Variants in DNAH6 observed in about 807,000 individuals in gnomAD.
DNAH6 encodes the protein axonemal beta dynein heavy chain 6.
In DNAH6, 340 loss-of-function variants were observed where a neutral mutation model predicts 491.4. The observed-to-expected ratio is 0.69, with a 90% CI of 0.63 to 0.76. The LOEUF (loss-of-function observed/expected upper bound fraction) is 0.76, where lower values mean the gene tolerates loss of function less well. Among genes scored for constraint, DNAH6 ranks in the 30% least tolerant of loss-of-function variants. DNAH6 has a pLI of 0.00. For missense variants in DNAH6, 4,443 were observed against 4,972.2 expected, an observed-to-expected ratio of 0.89 and a Z score of 3.20; for synonymous variants, 1,603 against 1,686.1, an observed-to-expected ratio of 0.95 and a Z score of 1.21.
intron 50 of DNAH6, among the ~76,000 whole-genome samples, chr2:84,703,835 A>G (rs1281765396): frequency 1.3e-5 from 2 of 152,192 alleles, no homozygotes; most frequent in African/African-American, 2.4e-5. Flanking sequence ...CTACAAATAT[A>G]AAGCAACTAT....
intron 32 of DNAH6, among the ~76,000 whole-genome samples, chr2:84,641,109 C>T (rs1689347210): frequency 6.6e-6 from 1 of 152,126 alleles, no homozygotes; most frequent in Admixed American, 6.5e-5. Flanking sequence ...AGTCTTTCCT[C>T]TTCTCAGACC....
At chr2:84,589,711 C>CAAAAAAAAA in intron 16 of DNAH6, among the ~76,000 whole-genome samples, 1 of 58,342 alleles carries the variant, frequency 1.7e-5, no homozygotes, top group Non-Finnish European at 3.6e-5. Flanking sequence ...GACCCTGTCT[C>CAAAAAAAAA]AAAAAAAAAA....
chr2:84,685,358 G>A lies in DNAH6; in HGVS notation c.6949G>A (p.Glu2317Lys), dbSNP rs1378985658. 5 of 1,518,652 alleles carry A rather than the reference G, an allele frequency of 3.3e-6. No homozygotes were observed. The highest frequency in any genetic ancestry group is 2.0e-5 in the Admixed American group (1 of 48,796). The allele number at this position is 1,518,652 out of a possible 1,614,324, so 94.1% of individuals were successfully genotyped here. The part of the protein sequence containing the change: ...ILQCDPGTIR[E>K]EIQIFRLFCH... ...CCAATGTGATCCAGGAACAATAAGA[G>A]AAGAAATTCAGATATTTAGACTCTT... The change falls in exon 43 of 77, where the codon GAA (glutamate) becomes AAA (lysine). Residue 2317 changes from glutamate to lysine, a missense_variant. Physicochemically the swap from Glu to Lys is moderately conservative, Grantham distance 56. This residue lies in a region of DNAH6 where 2,977 missense variants were observed against 3,296.6 expected (regional missense o/e 0.90). Coordinates refer to ENST00000389394, the MANE Select transcript of DNAH6 (RefSeq NM_001370.2).
At chr2:84,808,266 A>G (rs2105326175) in intron 71 of DNAH6, 149 bp from the exon 72 acceptor site, 4 of 883,072 alleles carry the variant, frequency 4.5e-6, no homozygotes, top group Non-Finnish European at 6.6e-6. Flanking sequence ...TCTAAATTAT[A>G]GAAACATCAC....
chr2:84,727,625 A>G, intron 60 of DNAH6, 44 bp from the exon 61 acceptor site: 1 of 1,262,864 alleles, frequency 7.9e-7, no homozygotes, highest in Non-Finnish European at 1.1e-6. Flanking sequence ...CTCTGCAGAG[A>G]ATGAATTAAA....
At chr2:84,477,759 G>C in the DNAH6 span, among the ~76,000 whole-genome samples, 1 of 152,198 alleles carries the variant, frequency 6.6e-6, no homozygotes, top group Non-Finnish European at 1.5e-5. Context: ...TGAGGAGAGA[G>C]TGAAAGAATA....
chr2:84,666,004 A>G (rs1183507869), intron 37 of DNAH6, among the ~76,000 whole-genome samples: 4 of 152,214 alleles, frequency 2.6e-5, no homozygotes, highest in African/African-American at 9.6e-5. Context: ...CAAAAACCAC[A>G]TGATTATCTC....
chr2:84,728,195 G>C (rs1161599777), intron 61 of DNAH6, among the ~76,000 whole-genome samples: 3 of 152,164 alleles, frequency 2.0e-5, no homozygotes, highest in African/African-American at 7.2e-5. Context: ...GGCCTCCCTA[G>C]CTGCATGGAA....
chr2:84,625,860 C>T (rs1687809022), intron 29 of DNAH6, among the ~76,000 whole-genome samples: 2 of 152,150 alleles, frequency 1.3e-5, no homozygotes, highest in Non-Finnish European at 2.9e-5. Context: ...TGAAGAAAAT[C>T]TAACCTCACA....
chr2:84,704,269 T>C lies in DNAH6; in HGVS notation c.8432T>C (p.Val2811Ala). 1.3e-6 allele frequency: 2 copies of C among 1,551,710 alleles called. No homozygotes were observed. Among genetic ancestry groups the C allele is most frequent in the Non-Finnish European group, 1.7e-6 (2 of 1,146,964 alleles). ...AAGCCCCCAGATTTGGTCATGACAG[T>C]AATGGAAGCAATCTCCATTCTTTTG... The part of the protein sequence containing the change: ...FTKPPDLVMT[V>A]MEAISILLNA... Residue 2811 changes from valine to alanine, a missense_variant, in exon 51 of 77, where the codon GTA becomes GCA. Val to Ala is a moderately conservative substitution (Grantham distance 64). Around this residue, in one of 3 missense-constraint regions of DNAH6, gnomAD observed 1,463 missense variants for 1,656.6 expected, o/e 0.88. Transcript: ENST00000389394.
At chr2:84,515,640 T>C (rs1277776337), upstream of DNAH6, among the ~76,000 whole-genome samples, 3 of 152,220 alleles carry the variant, frequency 2.0e-5, no homozygotes, top group Non-Finnish European at 4.4e-5. Flanking sequence ...TTATGTCATT[T>C]TGGAGACAAG....
rs1035420212 is a variant in DNAH6 at position 84,677,047 on chromosome 2, C to T, written c.6655C>T (p.Arg2219Cys). The change falls in exon 41 of 77, where the codon CGC becomes TGC. Residue 2219 changes from arginine (R) to cysteine (C), a missense_variant. By Grantham distance (180) the Arg-to-Cys change is radical (BLOSUM62 -3). Around this residue, in one of 3 missense-constraint regions of DNAH6, gnomAD observed 2,977 missense variants for 3,296.6 expected, o/e 0.90. Transcript: ENST00000389394. Reference protein sequence around the residue: ...ISACAPPGGGRNPVTPRFIRH... With the variant: ...ISACAPPGGGCNPVTPRFIRH... ...GGCATGTGCACCTCCAGGCGGTGGC[C>T]GCAACCCTGTGACTCCCCGCTTCAT... 33 of 1,551,626 alleles carry T rather than the reference C, an allele frequency of 2.1e-5. No homozygotes were observed. Among genetic ancestry groups the T allele is most frequent in the East Asian group, 2.0e-4 (8 of 40,934 alleles).
chr2:84,641,179 A>G (rs1009790610), intron 32 of DNAH6, among the ~76,000 whole-genome samples: 5 of 152,114 alleles, frequency 3.3e-5, no homozygotes, highest in Non-Finnish European at 5.9e-5. Flanking sequence ...ACTTGTCCAG[A>G]GCCTCTAAGG....
intron 68 of DNAH6, among the ~76,000 whole-genome samples, chr2:84,787,844 CT>C (rs1677354975): frequency 6.6e-6 from 1 of 152,036 alleles, no homozygotes; most frequent in Admixed American, 6.5e-5. Flanking sequence ...TAAATATTAA[CT>C]GTGACTACAT....
Position 84,819,466 on chromosome 2 carries a change from C to T in DNAH6, c.*58C>T. On this transcript the variant is annotated 3_prime_UTR_variant, in exon 77 of 77. Coordinates refer to ENST00000389394, the MANE Select transcript of DNAH6 (RefSeq NM_001370.2). ...GGCCAGAGATCTTTCCTAATGGGAG[C>T]AAAAGGTTTGAATAATTTATATGTG... The T allele has an allele frequency of 8.7e-7, 1 of 1,144,772 alleles. No individual in the cohort carries two copies. Among genetic ancestry groups the T allele is most frequent in the Non-Finnish European group, 1.3e-6 (1 of 798,368 alleles). The allele number at this position is 1,144,772 out of a possible 1,614,324, so 70.9% of individuals were successfully genotyped here.
intron 70 of DNAH6, among the ~76,000 whole-genome samples, chr2:84,801,175 A>G (rs1342366980): frequency 6.6e-6 from 1 of 150,932 alleles, no homozygotes; most frequent in East Asian, 2.0e-4. Flanking sequence ...GCAGCGCACC[A>G]GCATGGCACA....
intron 44 of DNAH6, 45 bp from the exon 45 acceptor site, chr2:84,688,394 T>A: frequency 7.0e-7 from 1 of 1,430,816 alleles, no homozygotes; most frequent in Non-Finnish European, 9.1e-7. Context: ...AGGTTATGTG[T>A]CTATCAGAAT....
chr2:84,705,088 C>T (rs985040743), intron 51 of DNAH6, among the ~76,000 whole-genome samples: 2 of 152,032 alleles, frequency 1.3e-5, no homozygotes, highest in African/African-American at 4.8e-5. Flanking sequence ...TTCAGAAGAA[C>T]AAAGTTCAAA....
chr2:84,504,688 T>C, the DNAH6 span, among the ~76,000 whole-genome samples: 2 of 152,224 alleles, frequency 1.3e-5, no homozygotes, highest in African/African-American at 4.8e-5. Context: ...ACTTGGTTAA[T>C]ATCCAGAAGA....
Sources: gnomAD v4.1 joint callset for allele counts (sites outside exome capture counted in the v4.1 genomes callset) on GRCh38, gnomAD v4.1.1 for gene constraint, gnomAD v4.1.1 regional missense constraint, MANE v1.5 for transcripts, NCBI Gene and HGNC (gene_info 2026-07-23, HGNC 2026-07-21) for gene names.